OR8B2: variants seen among roughly 807,000 people sequenced by gnomAD.
OR8B2 encodes olfactory receptor 8B2.
For missense variants in OR8B2, 304 were observed against 379.6 expected, an observed-to-expected ratio of 0.80 and a Z score of 1.65; for synonymous variants, 98 against 138.2, an observed-to-expected ratio of 0.71 and a Z score of 2.04.
chr11:124,392,871 A>G, the OR8B2 span, among the ~76,000 whole-genome samples: 1 of 150,390 alleles, frequency 6.6e-6, no homozygotes, highest in Non-Finnish European at 1.5e-5. Context: ...CTATACTACA[A>G]GGCTACAGTC....
At chr11:124,396,818 C>T in the OR8B2 span, 1 of 1,610,884 alleles carries the variant, frequency 6.2e-7, no homozygotes, top group African/African-American at 1.3e-5. Context: ...GTATGTCACA[C>T]AAGTAATGGT....
At chr11:124,391,926 G>A in the OR8B2 span, among the ~76,000 whole-genome samples, 1 of 141,718 alleles carries the variant, frequency 7.1e-6, no homozygotes, top group Non-Finnish European at 1.5e-5. Flanking sequence ...GATCAAGTGG[G>A]CTTCATCCCT....
the OR8B2 span, chr11:124,397,177 T>C: frequency 1.2e-5 from 20 of 1,611,934 alleles, no homozygotes; most frequent in Middle Eastern, 3.3e-4. Context: ...AAATAGTACA[T>C]TGGTGTGTGG....
At chr11:124,384,059 G>A (rs1187146686) in intron 1 of OR8B2, among the ~76,000 whole-genome samples, 7 of 152,208 alleles carry the variant, frequency 4.6e-5, no homozygotes, top group Admixed American at 3.3e-4. Flanking sequence ...TAGTTGTTAA[G>A]TTTGTAAAAT....
the OR8B2 span, among the ~76,000 whole-genome samples, chr11:124,391,187 C>G: frequency 6.6e-6 from 1 of 152,016 alleles, no homozygotes; most frequent in African/African-American, 2.4e-5. Context: ...AATTGACACC[C>G]TAACATCACA....
At chr11:124,396,748 C>T in the OR8B2 span, 16 of 1,613,796 alleles carry the variant, frequency 9.9e-6, no homozygotes, top group Non-Finnish European at 1.3e-5. Flanking sequence ...ATACCCACAA[C>T]AATGAGAACA....
At chr11:124,396,465 A>T in the OR8B2 span, 1 of 1,613,654 alleles carries the variant, frequency 6.2e-7, no homozygotes, top group South Asian at 1.1e-5. Flanking sequence ...TGCAACTTTG[A>T]CATCCTTGTT....
upstream of OR8B2, among the ~76,000 whole-genome samples, chr11:124,386,108 G>GTGCAGATAC (rs1419758785): frequency 2.0e-5 from 3 of 151,810 alleles, no homozygotes; most frequent in Non-Finnish European, 4.4e-5. Context: ...AAGAATGCCA[G>GTGCAGATAC]TGCAGATACT....
chr11:124,382,598 G>C lies in OR8B2; in HGVS notation c.746C>G (p.Ser249Cys). ...STCSSHVIALSLFFGSAAFMY... is the reference protein window; with the variant it reads ...STCSSHVIALCLFFGSAAFMY... ...GAATGCCGCTGACCCAAAAAACAGAGACAGAGCAATGACATGAGAGCTACA... is the reference window on the plus strand; with the variant it reads ...GAATGCCGCTGACCCAAAAAACAGACACAGAGCAATGACATGAGAGCTACA... The change falls in exon 2 of 2, where the codon TCT becomes TGT. Residue 249 changes from serine to cysteine, a missense_variant. Physicochemically the swap from Ser to Cys is moderately radical, Grantham distance 112 (BLOSUM62 -1). Coordinates refer to ENST00000641451, the MANE Select transcript of OR8B2 (RefSeq NM_001005468.2). 2.5e-6 allele frequency: 4 copies of C among 1,612,650 alleles called. No individual in the cohort carries two copies. Among genetic ancestry groups the C allele is most frequent in the Non-Finnish European group, 3.4e-6 (4 of 1,179,332 alleles).
chr11:124,385,757 A>G (rs1860689141), upstream of OR8B2, among the ~76,000 whole-genome samples: 5 of 151,436 alleles, frequency 3.3e-5, no homozygotes, highest in Admixed American at 3.3e-4. Flanking sequence ...CAGCCTCCCA[A>G]GTAGCTGGCA....
At chr11:124,392,149 C>G in the OR8B2 span, among the ~76,000 whole-genome samples, 4 of 113,386 alleles carry the variant, frequency 3.5e-5, no homozygotes. Flanking sequence ...AACCCACAGC[C>G]AATATCATAC....
chr11:124,396,635 A>G, the OR8B2 span: 3 of 1,611,668 alleles, frequency 1.9e-6, no homozygotes, highest in Non-Finnish European at 2.5e-6. Context: ...AGCTACAAGT[A>G]CTGAAGGCTT....
At chr11:124,386,796 T>C (rs915286051), upstream of OR8B2, among the ~76,000 whole-genome samples, 3 of 152,154 alleles carry the variant, frequency 2.0e-5, no homozygotes, top group Non-Finnish European at 4.4e-5. Context: ...CTAGGTCAGA[T>C]GGTATTTCTA....
At chr11:124,395,001 A>T in the OR8B2 span, among the ~76,000 whole-genome samples, 1 of 151,840 alleles carries the variant, frequency 6.6e-6, no homozygotes, top group Non-Finnish European at 1.5e-5. Flanking sequence ...CAGGAGTTAA[A>T]TTTTTTTCTC....
chr11:124,396,483 C>T, the OR8B2 span: 3 of 1,614,082 alleles, frequency 1.9e-6, no homozygotes, highest in Non-Finnish European at 2.5e-6. Context: ...GTTCCTCAAA[C>T]TGTAGATGAG....
At chr11:124,393,322 C>G in the OR8B2 span, among the ~76,000 whole-genome samples, 2 of 147,950 alleles carry the variant, frequency 1.4e-5, no homozygotes, top group African/African-American at 2.7e-5. Context: ...TCAGAATGAA[C>G]AGGCAACCTA....
At chr11:124,390,663 T>C in the OR8B2 span, among the ~76,000 whole-genome samples, 1 of 152,192 alleles carries the variant, frequency 6.6e-6, no homozygotes, top group African/African-American at 2.4e-5. Flanking sequence ...GACACAATAC[T>C]TTATTGAATA....
the OR8B2 span, among the ~76,000 whole-genome samples, chr11:124,393,537 GA>G: frequency 1.5e-5 from 2 of 135,494 alleles, no homozygotes; most frequent in Non-Finnish European, 3.1e-5. Flanking sequence ...GGCCATCAGA[GA>G]AATGCAAATC....
intron 1 of OR8B2, among the ~76,000 whole-genome samples, chr11:124,383,771 G>A (rs937411422): frequency 1.1e-4 from 16 of 152,110 alleles, no homozygotes; most frequent in Non-Finnish European, 1.6e-4. Flanking sequence ...CCTTTAGGGC[G>A]GAGACCATAC....
Sources: gnomAD v4.1 joint callset for allele counts (sites outside exome capture counted in the v4.1 genomes callset) on GRCh38, gnomAD v4.1.1 for gene constraint, MANE v1.5 for transcripts, NCBI Gene and HGNC (gene_info 2026-07-23, HGNC 2026-07-21) for gene names.